Variants in RERGL observed in about 807,000 individuals in gnomAD.
The protein encoded by RERGL is ras-related and estrogen-regulated growth inhibitor-like protein.
Under a neutral mutation model 24.7 loss-of-function variants are expected in RERGL, and 22 were observed. That is an observed-to-expected ratio of 0.89 (90% CI 0.64 to 1.27). The LOEUF is 1.27. RERGL is among the 50% of genes most tolerant of loss of function. The pLI is 0.00. For missense variants in RERGL, 259 were observed against 235.3 expected, an observed-to-expected ratio of 1.10 and a Z score of -0.66; for synonymous variants, 76 against 82.6, an observed-to-expected ratio of 0.92 and a Z score of 0.43.
rs1373900586 is a variant in RERGL, at chr12:18,084,730, A to G, written c.184-65T>C. On this transcript the variant is annotated intron_variant, in intron 3 of 4. Transcript: ENST00000538724. Reference sequence around the variant, plus strand: ...ATACCTGTGTTTTTATACTTTAAACAGTTAACTAATGGAGACCCACTTCCG... The same window carrying G: ...ATACCTGTGTTTTTATACTTTAAACGGTTAACTAATGGAGACCCACTTCCG... 2.8e-6 allele frequency: 4 copies of G among 1,424,356 alleles called. No individual in the cohort carries two copies. The African/African-American group carries it at 5.7e-5, about 20-fold the overall frequency. The allele number at this position is 1,424,356 out of a possible 1,614,324, so 88.2% of individuals were successfully genotyped here.
At chr12:18,089,339 C>T (rs1396043371) in intron 1 of RERGL, 8 of 1,498,268 alleles carry the variant, frequency 5.3e-6, no homozygotes, top group Non-Finnish European at 7.1e-6. Context: ...GTGTAATAGT[C>T]ACAAAGACAC....
chr12:18,084,408 G>C (rs959548833), intron 4 of RERGL, 109 bp downstream of exon 4: 3 of 992,648 alleles, frequency 3.0e-6, no homozygotes, highest in Non-Finnish European at 4.4e-6. Context: ...ATTGTTCAGG[G>C]CTGTTAAATT....
At position 18,085,844 on chromosome 12, in the gene RERGL, G is replaced by GTTTCT. The variant is rs1239604110; in HGVS notation, c.110-156_110-152dup. 5 of 272,186 alleles carry GTTTCT rather than the reference G, an allele frequency of 1.8e-5. 1 individual carries two copies. Among genetic ancestry groups the GTTTCT allele is most frequent in the African/African-American group, 2.7e-5 (1 of 37,050 alleles). The allele number at this position is 272,186 out of a possible 1,614,324, so 16.9% of individuals were successfully genotyped here. ...GTATTTGTTGTATTTACTCAGATAT[G>GTTTCT]TTTCTTTTTTTTTTTTTTTTTTTTT... On this transcript the variant is annotated intron_variant, in intron 2 of 4. Coordinates refer to ENST00000538724, the MANE Select transcript of RERGL (RefSeq NM_001286201.2).
chr12:18,085,854 T>C (rs972557953), intron 2 of RERGL, among the ~76,000 whole-genome samples, 161 bp from the exon 3 acceptor site: 27,681 of 126,418 alleles, frequency 0.22, 2,903 homozygotes, highest in East Asian at 0.57. Flanking sequence ...GTTTCTTTTT[T>C]TTTTTTTTTT....
Position 18,084,521 on chromosome 12 carries a change from T to C in RERGL, c.328A>G (p.Lys110Glu), listed in dbSNP as rs1407161221. 2 of 1,602,192 alleles carry C rather than the reference T, an allele frequency of 1.2e-6. No individual in the cohort carries two copies. The highest frequency in any genetic ancestry group is 1.3e-5 in the African/African-American group (1 of 74,162). ...AAGGAATGAAAAATACCTTACCTTT[T>C]ACAATGACTAGTTTGTGGCTCCCGG... ...RIREPQTSHC[K>E]RAVESAVFLV... is the part of the protein sequence containing the mutation. The change falls in exon 4 of 5, where the codon AAA (lysine) becomes GAA (glutamate). Residue 110 changes from lysine to glutamate, a missense_variant. Lys to Glu is a moderately conservative substitution (Grantham distance 56). Coordinates refer to ENST00000538724, the MANE Select transcript of RERGL (RefSeq NM_001286201.2).
At chr12:18,089,375 G>A in intron 1 of RERGL, 2 of 1,399,336 alleles carry the variant, frequency 1.4e-6, no homozygotes, top group Non-Finnish European at 1.9e-6. Flanking sequence ...GTTATTTAAG[G>A]ATGTAGGGAC....
Position 18,081,034 on chromosome 12 carries a change from C to T in RERGL, c.*157G>A. 1.5e-6 allele frequency: 1 copy of T among 655,398 alleles called. No homozygotes were observed. Among genetic ancestry groups the T allele is most frequent in the Non-Finnish European group, 2.5e-6 (1 of 401,818 alleles). 40.6% of individuals were successfully genotyped at this position (655,398 alleles called of 1,614,324 possible). A position where few individuals can be genotyped will look rare whatever the true frequency, so the allele number is the denominator to read the frequency against. On this transcript the variant is annotated 3_prime_UTR_variant, in exon 5 of 5. Transcript: ENST00000538724. ...GTACAACAACCAAAAAGGCAAACTA[C>T]ATATTTGAAAACACAGCTGTGGTTC...
intron 4 of RERGL, 149 bp downstream of exon 4, chr12:18,084,368 A>G (rs1202474426): frequency 1.7e-6 from 1 of 590,920 alleles, no homozygotes; most frequent in Admixed American, 3.6e-5. Context: ...TTTTTACTAC[A>G]TGTGTAACTC....
chr12:18,081,550 T>C, intron 4 of RERGL, 77 bp from the exon 5 acceptor site: 1 of 1,158,666 alleles, frequency 8.6e-7, no homozygotes. Flanking sequence ...AAAACAGATT[T>C]ATAACCAAAG....
intron 2 of RERGL, among the ~76,000 whole-genome samples, chr12:18,086,908 C>T (rs566286341): frequency 1.3e-5 from 2 of 152,154 alleles, no homozygotes; most frequent in Non-Finnish European, 2.9e-5. Context: ...AAAGGCTGCA[C>T]CTTCTACAAT....
intron 2 of RERGL, among the ~76,000 whole-genome samples, chr12:18,088,597 C>A (rs1385286013): frequency 6.6e-6 from 1 of 151,964 alleles, no homozygotes; most frequent in East Asian, 1.9e-4. Context: ...TTATACCTTA[C>A]AAGAAATATT....
In RERGL at chr12:18,080,897, TA is replaced by T. The variant is rs1301829015; in HGVS notation, c.*293del. 1 of 220,262 alleles carries T rather than the reference TA, an allele frequency of 4.5e-6. No homozygotes were observed. Among genetic ancestry groups the T allele is most frequent in the Admixed American group, 5.2e-5 (1 of 19,156 alleles). The allele number at this position is 220,262 out of a possible 1,614,324, so 13.6% of individuals were successfully genotyped here. ...GGCATGGTCGTTTAATAAATTCACA[TA>T]AACAGAGTTTATTTGGCAAGGCAAA... On this transcript the variant is annotated 3_prime_UTR_variant, in exon 5 of 5. Coordinates refer to ENST00000538724, the MANE Select transcript of RERGL (RefSeq NM_001286201.2).
At chr12:18,083,109 C>T (rs993269146) in intron 4 of RERGL, among the ~76,000 whole-genome samples, 3 of 151,778 alleles carry the variant, frequency 2.0e-5, no homozygotes, top group Non-Finnish European at 4.4e-5. Context: ...TTGCTAAGGT[C>T]TTTTTTTAGT....
intron 3 of RERGL, 106 bp downstream of exon 3, chr12:18,085,514 G>T (rs934606138): frequency 1.1e-5 from 8 of 733,844 alleles, no homozygotes; most frequent in South Asian, 1.1e-4. Context: ...TTTTAACACC[G>T]CAACTTTTCA....
intron 1 of RERGL, chr12:18,089,337 G>A (rs1286930695): frequency 1.3e-6 from 2 of 1,516,948 alleles, no homozygotes; most frequent in African/African-American, 2.8e-5. Flanking sequence ...ATGTGTAATA[G>A]TCACAAAGAC....
chr12:18,086,664 T>C (rs1377482572), intron 2 of RERGL, among the ~76,000 whole-genome samples: 1 of 152,160 alleles, frequency 6.6e-6, no homozygotes, highest in Non-Finnish European at 1.5e-5. Flanking sequence ...TTCTCACATT[T>C]CAAACATGGA....
intron 1 of RERGL, chr12:18,089,299 G>T (rs114463179): frequency 6.3e-7 from 1 of 1,590,856 alleles, no homozygotes. Flanking sequence ...TATTTTCTCT[G>T]TCAAACTCAG....
chr12:18,089,422 T>A (rs997730565), intron 1 of RERGL: 1 of 1,309,798 alleles, frequency 7.6e-7, no homozygotes, highest in Non-Finnish European at 9.8e-7. Context: ...ACCTCTGGTA[T>A]CCATTCATCA....
intron 2 of RERGL, among the ~76,000 whole-genome samples, chr12:18,086,024 A>ATTTTTTT (rs577015041): frequency 9.6e-5 from 12 of 125,080 alleles, no homozygotes; most frequent in Middle Eastern, 3.7e-3. Flanking sequence ...CGCCTGGCCA[A>ATTTTTTT]TTTTTTTTTT....
Sources: gnomAD v4.1 joint callset for allele counts (sites outside exome capture counted in the v4.1 genomes callset) on GRCh38, gnomAD v4.1.1 for gene constraint, MANE v1.5 for transcripts, NCBI Gene and HGNC (gene_info 2026-07-23, HGNC 2026-07-21) for gene names.